Variants in SGCD observed in about 807,000 individuals in gnomAD.
SGCD encodes delta-sarcoglycan.
In SGCD, 18 loss-of-function variants were observed where a neutral mutation model predicts 36.6. The observed-to-expected ratio is 0.49, with a 90% CI of 0.34 to 0.73. The LOEUF (loss-of-function observed/expected upper bound fraction) is 0.73, where lower values mean the gene tolerates loss of function less well. Ranked by LOEUF, SGCD falls within the 30% of genes least tolerant of loss-of-function variation. The pLI, the probability that SGCD is intolerant of heterozygous loss-of-function variation, is 0.01. For missense variants in SGCD, 387 were observed against 346.7 expected (o/e 1.12, Z -0.92); for synonymous variants, 133 against 130.6 (o/e 1.02, Z -0.12).
At chr5:156,265,761 A>G (rs567438445) in intron 3 of SGCD, among the ~76,000 whole-genome samples, 37 of 152,080 alleles carry the variant, frequency 2.4e-4, no homozygotes, top group Non-Finnish European at 5.0e-4. Context: ...CAAATCACCA[A>G]ATGAACAAGC....
At chr5:155,835,801 G>A in the SGCD span, among the ~76,000 whole-genome samples, 1 of 152,112 alleles carries the variant, frequency 6.6e-6, no homozygotes. Flanking sequence ...GTATTAAAAT[G>A]GAACATTCCA....
intron 1 of SGCD, among the ~76,000 whole-genome samples, chr5:155,962,602 G>A (rs926634663): frequency 1.3e-5 from 2 of 152,138 alleles, no homozygotes; most frequent in Non-Finnish European, 2.9e-5. Flanking sequence ...CTTCAGCTGA[G>A]TGTGGCAAGA....
intron 7 of SGCD, among the ~76,000 whole-genome samples, chr5:156,720,845 T>C (rs1489906726): frequency 1.3e-5 from 2 of 152,170 alleles, no homozygotes; most frequent in Non-Finnish European, 2.9e-5. Flanking sequence ...GAGAAATGAC[T>C]GTGGGGGCAG....
chr5:156,081,398 CT>C (rs879303123), intron 1 of SGCD, among the ~76,000 whole-genome samples: 10 of 151,660 alleles, frequency 6.6e-5, no homozygotes, highest in African/African-American at 1.5e-4. Context: ...AACCATAGCA[CT>C]TTTTTTTTCT....
At chr5:156,684,196 C>G (rs974297320) in intron 7 of SGCD, among the ~76,000 whole-genome samples, 1 of 151,692 alleles carries the variant, frequency 6.6e-6, no homozygotes, top group Non-Finnish European at 1.5e-5. Flanking sequence ...GTGGTCTACA[C>G]TAGAGTTGAT....
At chr5:156,682,959 A>C (rs1753777666) in intron 7 of SGCD, among the ~76,000 whole-genome samples, 1 of 152,214 alleles carries the variant, frequency 6.6e-6, no homozygotes, top group Non-Finnish European at 1.5e-5. Context: ...TCACACGGGA[A>C]GTTTAACTTA....
chr5:156,595,185 A>G, intron 6 of SGCD, 134 bp downstream of exon 6: 2 of 1,064,694 alleles, frequency 1.9e-6, no homozygotes, highest in Non-Finnish European at 2.6e-6. Context: ...AGATAATGGT[A>G]TTAGGAGGTG....
chr5:156,293,258 A>T (rs1766808541), intron 3 of SGCD, among the ~76,000 whole-genome samples: 1 of 151,494 alleles, frequency 6.6e-6, no homozygotes, highest in Admixed American at 6.6e-5. Context: ...TTGCCTTTTG[A>T]CTCTGTTGAT....
intron 3 of SGCD, among the ~76,000 whole-genome samples, chr5:156,190,263 A>C (rs761629919): frequency 2.0e-5 from 3 of 152,172 alleles, no homozygotes; most frequent in Non-Finnish European, 2.9e-5. Flanking sequence ...AAATCATCTA[A>C]AGTGTGCTTG....
chr5:156,348,754 C>A (rs113768878), intron 3 of SGCD, among the ~76,000 whole-genome samples: 1 of 151,906 alleles, frequency 6.6e-6, no homozygotes, highest in African/African-American at 2.4e-5. Flanking sequence ...AAAAACATTT[C>A]TAAAATTCAT....
At chr5:156,085,987 C>T (rs149240845) in intron 1 of SGCD, among the ~76,000 whole-genome samples, 147 of 152,302 alleles carry the variant, frequency 9.7e-4, no homozygotes, top group African/African-American at 3.2e-3. Context: ...GATACTTGAA[C>T]GTTTTAAAAG....
At chr5:156,599,974 T>C (rs1464554154) in intron 6 of SGCD, among the ~76,000 whole-genome samples, 2 of 152,220 alleles carry the variant, frequency 1.3e-5, no homozygotes, top group South Asian at 2.1e-4. Context: ...GAGTTAATAG[T>C]ACAGTGTGTG....
At position 156,524,287 on chromosome 5, in the gene SGCD, T is replaced by TTATATATA. The variant is rs5872468; in HGVS notation, c.294+15597_294+15604dup. ...AGTTTATATATAGTAATATATATAG[T>TTATATATA]TATATATATATATATATATCATCAT... On this transcript the variant is annotated intron_variant, in intron 4 of 8. Coordinates refer to ENST00000337851, the MANE Select transcript of SGCD (RefSeq NM_000337.6). Among the ~76,000 whole-genome samples, 278 of 130,168 alleles carry TTATATATA rather than the reference T, an allele frequency of 2.1e-3. 1 individual carries two copies. Among genetic ancestry groups the TTATATATA allele is most frequent in the African/African-American group, 4.7e-3 (164 of 35,178 alleles). 85.4% of individuals were successfully genotyped at this position (130,168 alleles called of 152,430 possible). A position where few individuals can be genotyped will look rare whatever the true frequency, so the allele number is the denominator to read the frequency against.
chr5:155,915,311 G>T (rs1158418083), intron 1 of SGCD, among the ~76,000 whole-genome samples: 1 of 152,052 alleles, frequency 6.6e-6, no homozygotes, highest in Non-Finnish European at 1.5e-5. Flanking sequence ...TTTGAGTAAG[G>T]TTTTTCGTTC....
chr5:156,193,909 G>T (rs1315605252), intron 3 of SGCD, among the ~76,000 whole-genome samples: 1 of 152,178 alleles, frequency 6.6e-6, no homozygotes, highest in African/African-American at 2.4e-5. Flanking sequence ...TGACATCCAA[G>T]TCCTGGCCTG....
At chr5:155,890,350 G>A (rs577165988) in intron 1 of SGCD, among the ~76,000 whole-genome samples, 2 of 152,186 alleles carry the variant, frequency 1.3e-5, no homozygotes, top group African/African-American at 2.4e-5. Flanking sequence ...TTGGCTGGGT[G>A]TGATGGCTCA....
intron 4 of SGCD, among the ~76,000 whole-genome samples, chr5:156,531,395 T>C (rs183382686): frequency 3.9e-5 from 6 of 152,266 alleles, no homozygotes; most frequent in Admixed American, 3.9e-4. Flanking sequence ...AAAACAGAAA[T>C]GTACAGGAAG....
At chr5:156,053,692 T>C (rs1429325035) in intron 1 of SGCD, among the ~76,000 whole-genome samples, 1 of 145,746 alleles carries the variant, frequency 6.9e-6, no homozygotes, top group African/African-American at 2.5e-5. Flanking sequence ...CATAATGAAA[T>C]AGAGAAGATG....
intron 3 of SGCD, among the ~76,000 whole-genome samples, chr5:156,147,493 C>T (rs556334171): frequency 1.3e-5 from 2 of 152,326 alleles, no homozygotes; most frequent in South Asian, 4.1e-4. Context: ...GCAATAACCA[C>T]ATTTTTAAAT....
Sources: gnomAD v4.1 joint callset for allele counts (sites outside exome capture counted in the v4.1 genomes callset) on GRCh38, gnomAD v4.1.1 for gene constraint, MANE v1.5 for transcripts, NCBI Gene and HGNC (gene_info 2026-07-23, HGNC 2026-07-21) for gene names.